Variants in CPSF2 observed in about 807,000 individuals in gnomAD.
CPSF2 encodes the protein cleavage and polyadenylation specificity factor subunit 2.
CPSF2 carries 51 observed loss-of-function variants against 84.2 expected under a neutral mutation model. The ratio of observed to expected loss-of-function variants is 0.61; its 90% CI spans 0.48 to 0.77. CPSF2 has a LOEUF of 0.77. Among genes scored for constraint, CPSF2 ranks in the 30% least tolerant of loss-of-function variants. The pLI, the probability that CPSF2 is intolerant of heterozygous loss-of-function variation, is 0.00. For synonymous variants in CPSF2, 286 were observed against 311.9 expected, an observed-to-expected ratio of 0.92 and a Z score of 0.87; for missense variants, 641 against 929.4, an observed-to-expected ratio of 0.69 and a Z score of 4.03.
At chr14:92,146,644 C>A (rs949876596) in intron 9 of CPSF2, among the ~76,000 whole-genome samples, 3 of 152,188 alleles carry the variant, frequency 2.0e-5, no homozygotes, top group Non-Finnish European at 4.4e-5. Context: ...TGTAGCAAAA[C>A]TGAAACTCTG....
chr14:92,125,207 T>A (rs1206166543), intron 1 of CPSF2, among the ~76,000 whole-genome samples: 2 of 152,104 alleles, frequency 1.3e-5, no homozygotes, highest in African/African-American at 4.8e-5. Context: ...CATAAGGTAG[T>A]GAGGCCCTTC....
In CPSF2 at chr14:92,142,306, C is replaced by T; in HGVS notation, c.804C>T (p.Leu268=). Reference sequence around the variant, plus strand: ...GATTGGGTGTTTACTCATTGGCACTCCTAAATAATGTCAGTTACAATGTGG... The same window carrying T: ...GATTGGGTGTTTACTCATTGGCACTTCTAAATAATGTCAGTTACAATGTGG... ...DAGLGVYSLA[L]LNNVSYNVVE... is the part of the protein sequence containing the mutation. The change falls in exon 8 of 16, where the codon CTC becomes CTT. Residue 268 remains leucine (L), a synonymous_variant. Coordinates refer to ENST00000298875, the MANE Select transcript of CPSF2 (RefSeq NM_017437.3). 1 of 1,613,612 alleles carries T rather than the reference C, an allele frequency of 6.2e-7. No individual in the cohort carries two copies. The highest frequency in any genetic ancestry group is 8.5e-7 in the Non-Finnish European group (1 of 1,179,704).
chr14:92,137,284 A>C (rs914844244), intron 6 of CPSF2, among the ~76,000 whole-genome samples: 1 of 152,136 alleles, frequency 6.6e-6, no homozygotes, highest in Non-Finnish European at 1.5e-5. Context: ...ATCACGGCTC[A>C]CTGTAGTGTC....
chr14:92,156,273 G>A (rs1427289041), intron 11 of CPSF2, among the ~76,000 whole-genome samples: 2 of 152,112 alleles, frequency 1.3e-5, no homozygotes, highest in Non-Finnish European at 2.9e-5. Context: ...GGGTGACAGA[G>A]GGAGACTCTA....
At chr14:92,125,378 A>G (rs1021193030) in intron 1 of CPSF2, among the ~76,000 whole-genome samples, 2 of 152,192 alleles carry the variant, frequency 1.3e-5, no homozygotes, top group Non-Finnish European at 2.9e-5. Context: ...TAATATATTC[A>G]TGTCGCAGAG....
chr14:92,137,227 AT>A (rs2069012342), intron 6 of CPSF2, among the ~76,000 whole-genome samples: 1 of 152,022 alleles, frequency 6.6e-6, no homozygotes, highest in South Asian at 2.1e-4. Context: ...ATTTTTATGT[AT>A]TTTTTTGAAA....
rs375038393 is a variant in CPSF2 at position 92,157,873 on chromosome 14, C to T, written c.1810C>T (p.His604Tyr). ...HETVDATSETHIYQVRLKDSL... is the reference protein window; with the variant it reads ...HETVDATSETYIYQVRLKDSL... ...AACAGTTGATGCCACTAGTGAAACT[C>T]ACATCTACCAGGTAAACATGCCAGG... Residue 604 changes from histidine (H) to tyrosine (Y), a missense_variant, in exon 13 of 16, where the codon CAC becomes TAC. Transcript: ENST00000298875. This position sits in a 1 kb window ranked among gnomAD's most constrained non-coding sequence, Gnocchi z 4.0. 12 of 1,611,074 alleles carry T rather than the reference C, an allele frequency of 7.4e-6. No individual in the cohort carries two copies. Among genetic ancestry groups the T allele is most frequent in the Non-Finnish European group, 1.0e-5 (12 of 1,177,370 alleles).
chr14:92,144,813 C>T (rs374999823), intron 9 of CPSF2, among the ~76,000 whole-genome samples: 18 of 152,328 alleles, frequency 1.2e-4, no homozygotes, highest in African/African-American at 3.8e-4. Context: ...TGTATATCTT[C>T]TTTCTCCTCA....
intron 7 of CPSF2, among the ~76,000 whole-genome samples, chr14:92,139,056 C>T (rs543904689): frequency 2.6e-5 from 4 of 152,208 alleles, no homozygotes; most frequent in African/African-American, 9.6e-5. Context: ...GCTAGCTATC[C>T]CTGGCACTCA....
At chr14:92,125,506 C>G (rs2068834628) in intron 1 of CPSF2, among the ~76,000 whole-genome samples, 1 of 152,118 alleles carries the variant, frequency 6.6e-6, no homozygotes, top group Admixed American at 6.5e-5. Context: ...TGTATCATCT[C>G]ATCAATCATA....
chr14:92,138,361 C>T lies in CPSF2; in HGVS notation c.661+14C>T, dbSNP rs117471377. The T allele has an allele frequency of 1.4e-3, 1,723 of 1,254,990 alleles. 30 individuals carry two copies. In the East Asian group the frequency reaches 0.038, roughly 28 times the overall value. 77.7% of individuals were successfully genotyped at this position (1,254,990 alleles called of 1,614,324 possible). A position where few individuals can be genotyped will look rare whatever the true frequency, so the allele number is the denominator to read the frequency against. The stretch of plus-strand genomic sequence containing the variant: ...AGCAGCTTCTGAGTACGTATTCTTT[C>T]ACGTCCTTATTATTATTATTATTTT... On this transcript the variant is annotated intron_variant, in intron 7 of 15. Coordinates refer to ENST00000298875, the MANE Select transcript of CPSF2 (RefSeq NM_017437.3).
chr14:92,144,901 T>C (rs775921866), intron 9 of CPSF2, among the ~76,000 whole-genome samples: 1 of 152,138 alleles, frequency 6.6e-6, no homozygotes, highest in African/African-American at 2.4e-5. Flanking sequence ...GTCAAAGCAG[T>C]GAGTCAGGAA....
chr14:92,157,660 G>C lies in CPSF2; in HGVS notation c.1597G>C (p.Ala533Pro). The change falls in exon 13 of 16, where the codon GCC becomes CCC. Residue 533 changes from alanine (A) to proline (P), a missense_variant and splice_region_variant. Ala to Pro is a conservative substitution (Grantham distance 27). Around this residue, in one of 2 missense-constraint regions of CPSF2, gnomAD observed 430 missense variants for 553.6 expected, o/e 0.78. Transcript: ENST00000298875. This position sits in a 1 kb window ranked among gnomAD's most constrained non-coding sequence, Gnocchi z 4.0. ...ISTTESIEIKARVTYIDYEGR... is the reference protein window; with the variant it reads ...ISTTESIEIKPRVTYIDYEGR... ...TTGAATAATCATATCTAATTACAGAGCCCGGGTTACCTACATAGACTATGA... is the reference window on the plus strand; with the variant it reads ...TTGAATAATCATATCTAATTACAGACCCCGGGTTACCTACATAGACTATGA... The C allele has an allele frequency of 6.2e-7, 1 of 1,610,640 alleles. No homozygotes were observed. The highest frequency in any genetic ancestry group is 1.7e-4 in the Middle Eastern group (1 of 6,046).
chr14:92,125,429 G>C (rs142883242), intron 1 of CPSF2, among the ~76,000 whole-genome samples: 1 of 152,300 alleles, frequency 6.6e-6, no homozygotes, highest in African/African-American at 2.4e-5. Flanking sequence ...TTGGTCACAA[G>C]ATAGAATCAG....
chr14:92,133,931 A>G, intron 3 of CPSF2, 80 bp from the exon 4 acceptor site: 1 of 1,453,272 alleles, frequency 6.9e-7, no homozygotes, highest in Non-Finnish European at 9.5e-7. Context: ...TTCAATCCAG[A>G]ATTGGTGAAT....
Position 92,152,116 on chromosome 14 carries a change from A to G in CPSF2, c.1141-2242A>G, listed in dbSNP as rs1567024180. On this transcript the variant is annotated intron_variant, in intron 9 of 15. Coordinates refer to ENST00000298875, the MANE Select transcript of CPSF2 (RefSeq NM_017437.3). Reference sequence around the variant, plus strand: ...TTAATGTTGCCATGTGGTTTTATTTATTATTTATTTATTATTATTTTTTCA... The same window carrying G: ...TTAATGTTGCCATGTGGTTTTATTTGTTATTTATTTATTATTATTTTTTCA... Among the ~76,000 whole-genome samples the G allele has an allele frequency of 4.7e-5, 7 of 149,778 alleles. No homozygotes were observed. The South Asian group carries it at 1.0e-3, about 22-fold the overall frequency.
intron 6 of CPSF2, among the ~76,000 whole-genome samples, chr14:92,135,990 C>T (rs751365986): frequency 1.1e-4 from 17 of 152,122 alleles, no homozygotes; most frequent in Non-Finnish European, 2.1e-4. Context: ...GAATGGGTTT[C>T]ACGAGATCTG....
chr14:92,159,375 A>G, intron 14 of CPSF2, 93 bp downstream of exon 14: 1 of 973,700 alleles, frequency 1.0e-6, no homozygotes, highest in Non-Finnish European at 1.5e-6. Context: ...TTCTAAAACT[A>G]AGTGGGTCTG....
rs2069435090 is a variant in CPSF2 at position 92,165,699 on chromosome 14, C to A, written c.*3955C>A. 6.6e-6 allele frequency: 1 copy of A among 151,768 alleles called. No individual in the cohort carries two copies. The highest frequency in any genetic ancestry group is 2.4e-5 in the African/African-American group (1 of 41,320). The allele number at this position is 151,768 out of a possible 1,614,324, so 9.4% of individuals were successfully genotyped here. A position where few individuals can be genotyped will look rare whatever the true frequency, so the allele number is the denominator to read the frequency against. ...AGTTTTTTTATATATTTTCTGGATA[C>A]TAAACCATTATATATTGATTTGCAA... On this transcript the variant is annotated 3_prime_UTR_variant, in exon 16 of 16. Transcript: ENST00000298875.
Sources: allele counts gnomAD v4.1 joint callset (sites outside exome capture counted in the v4.1 genomes callset), GRCh38; gene constraint gnomAD v4.1.1; regional missense constraint gnomAD v4.1.1; non-coding constraint Gnocchi (gnomAD v3.1); transcripts MANE v1.5; gene names NCBI Gene and HGNC (gene_info 2026-07-23, HGNC 2026-07-21).